ZDHHC15: variants seen among roughly 807,000 people sequenced by gnomAD.
ZDHHC15 encodes palmitoyltransferase ZDHHC15.
A neutral mutation model predicts 31.7 loss-of-function variants in ZDHHC15; 19 were observed. The observed-to-expected ratio is 0.60, with a 90% CI of 0.42 to 0.88. The LOEUF (loss-of-function observed/expected upper bound fraction) is 0.88, where lower values mean the gene tolerates loss of function less well. ZDHHC15 is among the 40% of genes least tolerant of loss of function. The pLI, the probability that ZDHHC15 is intolerant of heterozygous loss-of-function variation, is 0.00. For synonymous variants in ZDHHC15, 103 were observed against 90.0 expected (o/e 1.14, Z -0.82); for missense variants, 209 against 251.2 (o/e 0.83, Z 1.14).
chrX:75,478,045 C>T (rs992742264), intron 3 of ZDHHC15, among the ~76,000 whole-genome samples: 2 of 111,174 alleles, frequency 1.8e-5, no homozygotes, highest in Non-Finnish European at 3.8e-5. Context: ...GGAAAGTTTC[C>T]CTATTGTTCT....
At chrX:75,376,717 C>G (rs2083063743) in intron 11 of ZDHHC15, among the ~76,000 whole-genome samples, 1 of 111,570 alleles carries the variant, frequency 9.0e-6, no homozygotes, top group Non-Finnish European at 1.9e-5. Flanking sequence ...TTGTGTTTTT[C>G]TTTTGTTTAC....
intron 2 of ZDHHC15, chrX:75,502,279 A>G (rs1486949653): frequency 9.0e-6 from 1 of 111,516 alleles, no homozygotes; most frequent in African/African-American, 3.3e-5. Context: ...CTATAAGGAC[A>G]TCAGACTGGA....
At chrX:75,410,553 C>A (rs1210989260) in intron 10 of ZDHHC15, among the ~76,000 whole-genome samples, 1 of 111,463 alleles carries the variant, frequency 9.0e-6, no homozygotes, top group Non-Finnish European at 1.9e-5. Flanking sequence ...TTGTGAGATA[C>A]CATGTAATCC....
intron 8 of ZDHHC15, 99 bp from the exon 9 acceptor site, chrX:75,422,089 T>G: frequency 9.8e-7 from 1 of 1,017,277 alleles, no homozygotes; most frequent in East Asian, 3.2e-5. Flanking sequence ...GTATGTGACT[T>G]GGTTCTATTA....
In ZDHHC15 at chrX:75,369,635, G is replaced by A. The variant is rs1200388217; in HGVS notation, c.*3343C>T. 8.9e-6 allele frequency: 1 copy of A among 111,742 alleles called. No homozygotes were observed. Among genetic ancestry groups the A allele is most frequent in the Non-Finnish European group, 1.9e-5 (1 of 53,199 alleles). 9.2% of individuals were successfully genotyped at this position (111,742 alleles called of 1,213,427 possible). On this transcript the variant is annotated 3_prime_UTR_variant, in exon 12 of 12. Transcript: ENST00000373367. ...CTCTATGGTGCCACAGGAGGTAATGGCACTGGTTGATGCCACATAGTGTGA... is the reference window on the plus strand; with the variant it reads ...CTCTATGGTGCCACAGGAGGTAATGACACTGGTTGATGCCACATAGTGTGA...
At chrX:75,508,449 C>A (rs944191626) in intron 1 of ZDHHC15, among the ~76,000 whole-genome samples, 1 of 108,074 alleles carries the variant, frequency 9.3e-6, no homozygotes, top group Non-Finnish European at 1.9e-5. Flanking sequence ...TTTCCAGCTT[C>A]ATCCATGTCC....
intron 4 of ZDHHC15, among the ~76,000 whole-genome samples, chrX:75,443,127 G>A (rs1167134828): frequency 1.8e-5 from 2 of 110,819 alleles, no homozygotes; most frequent in African/African-American, 6.6e-5. Context: ...AAGTTCATAT[G>A]GAACCAAAAA....
rs1248582151 is a variant in ZDHHC15 at position 75,371,251 on chromosome X, A to AGAG, written c.*1724_*1726dup. 2 of 111,923 alleles carry AGAG rather than the reference A, an allele frequency of 1.8e-5. No homozygotes were observed. The highest frequency in any genetic ancestry group is 9.5e-5 in the Admixed American group (1 of 10,552). 9.2% of individuals were successfully genotyped at this position (111,923 alleles called of 1,213,427 possible). ...AACCGAAATGAGAGTATTTTGAGAA[A>AGAG]GAGTGTAAGGGGAAATTTTTTTCCA... is the stretch of plus-strand genomic sequence containing the variant. On this transcript the variant is annotated 3_prime_UTR_variant, in exon 12 of 12. Transcript: ENST00000373367.
intron 2 of ZDHHC15, among the ~76,000 whole-genome samples, chrX:75,491,444 G>A (rs1359707922): frequency 2.1e-5 from 2 of 95,197 alleles, no homozygotes; most frequent in Non-Finnish European, 4.1e-5. Flanking sequence ...CATGGACAAA[G>A]GAAGGGGAAC....
chrX:75,506,966 G>A (rs1446344985), intron 1 of ZDHHC15, among the ~76,000 whole-genome samples: 4 of 111,298 alleles, frequency 3.6e-5, no homozygotes, highest in Non-Finnish European at 7.5e-5. Flanking sequence ...AGTACTGTGG[G>A]TGAGGGAAAG....
At chrX:75,503,888 C>CT (rs747828551) in intron 2 of ZDHHC15, among the ~76,000 whole-genome samples, 5 of 111,200 alleles carry the variant, frequency 4.5e-5, no homozygotes, top group Non-Finnish European at 7.6e-5. Context: ...TTCTTTGCCT[C>CT]TTTCTAGTTT....
intron 9 of ZDHHC15, among the ~76,000 whole-genome samples, chrX:75,418,359 G>A (rs2083573677): frequency 8.9e-6 from 1 of 111,834 alleles, no homozygotes; most frequent in Admixed American, 9.6e-5. Flanking sequence ...GAACATGAGT[G>A]TATTCCTGTC....
rs1363186773 is a variant in ZDHHC15, at chrX:75,398,663, C to A, written c.967+18424G>T. Among the ~76,000 whole-genome samples the A allele has an allele frequency of 2.7e-5, 3 of 111,919 alleles. No homozygotes were observed. In the Admixed American group the frequency reaches 2.8e-4, roughly 11 times the overall value. The stretch of plus-strand genomic sequence containing the variant: ...CTCCTCACTGGGCGGGACCTCCCAA[C>A]TGGGGCCTCCAGCTATCCCCACCCA... On this transcript the variant is annotated intron_variant, in intron 10 of 11. Transcript: ENST00000373367.
chrX:75,509,596 G>C (rs1322837808), intron 1 of ZDHHC15, among the ~76,000 whole-genome samples: 2 of 112,062 alleles, frequency 1.8e-5, no homozygotes, highest in Non-Finnish European at 3.8e-5. Context: ...ATGATGTACA[G>C]CATATACTTT....
At chrX:75,515,118 G>A (rs1334146070) in intron 1 of ZDHHC15, among the ~76,000 whole-genome samples, 1 of 111,010 alleles carries the variant, frequency 9.0e-6, no homozygotes, top group African/African-American at 3.3e-5. Context: ...AGGACCAGAT[G>A]GATTCATACC....
chrX:75,467,816 C>T (rs2084431420), intron 3 of ZDHHC15, among the ~76,000 whole-genome samples: 1 of 111,430 alleles, frequency 9.0e-6, no homozygotes, highest in South Asian at 3.8e-4. Context: ...GCATTTAGTA[C>T]AGAGTGTTGT....
Position 75,500,701 on chromosome X carries a change from G to T in ZDHHC15, c.163+5120C>A, listed in dbSNP as rs1172125357. On this transcript the variant is annotated intron_variant, in intron 2 of 11. Transcript: ENST00000373367. ...AGGAGTGGGTTAGCATCTAAGGGAG[G>T]CTTTTATCTGATCTCTAAACCTTAA... Among the ~76,000 whole-genome samples, 9 of 108,687 alleles carry T rather than the reference G, an allele frequency of 8.3e-5. No individual in the cohort carries two copies. The East Asian group carries it at 2.6e-3, about 31-fold the overall frequency. The allele number at this position is 108,687 out of a possible 115,157, so 94.4% of individuals were successfully genotyped here. A position where few individuals can be genotyped will look rare whatever the true frequency, so the allele number is the denominator to read the frequency against.
At chrX:75,404,488 G>T (rs891909432) in intron 10 of ZDHHC15, among the ~76,000 whole-genome samples, 13 of 111,922 alleles carry the variant, frequency 1.2e-4, no homozygotes, top group African/African-American at 4.2e-4. Context: ...TCTGACAAAG[G>T]TCTAATATCT....
intron 9 of ZDHHC15, among the ~76,000 whole-genome samples, chrX:75,420,824 G>A (rs2083617637): frequency 9.1e-6 from 1 of 110,298 alleles, no homozygotes. Context: ...AGCTAGGGGA[G>A]GGATAGCATT....
Sources: allele counts gnomAD v4.1 joint callset (sites outside exome capture counted in the v4.1 genomes callset), GRCh38; gene constraint gnomAD v4.1.1; transcripts MANE v1.5; gene names NCBI Gene and HGNC (gene_info 2026-07-23, HGNC 2026-07-21).